Variants in P4HTM observed in about 807,000 individuals in gnomAD.
The protein encoded by P4HTM is prolyl 4-hydroxylase, transmembrane.
A neutral mutation model predicts 55.3 loss-of-function variants in P4HTM; 33 were observed. That is an observed-to-expected ratio of 0.60 (90% CI 0.45 to 0.80). The LOEUF is 0.80. Ranked by LOEUF, P4HTM falls within the 30% of genes least tolerant of loss-of-function variation. The pLI is 0.00. For synonymous variants in P4HTM, 272 were observed against 286.4 expected, an observed-to-expected ratio of 0.95 and a Z score of 0.51; for missense variants, 542 against 696.5, an observed-to-expected ratio of 0.78 and a Z score of 2.50.
At chr3:48,993,418 C>T (rs1200503197) in intron 2 of P4HTM, among the ~76,000 whole-genome samples, 1 of 152,132 alleles carries the variant, frequency 6.6e-6, no homozygotes, top group Non-Finnish European at 1.5e-5. Flanking sequence ...TACTACTACA[C>T]TACTAACGAC....
chr3:48,992,660 CT>C, intron 2 of P4HTM, among the ~76,000 whole-genome samples: 1 of 106,964 alleles, frequency 9.3e-6, no homozygotes, highest in African/African-American at 3.9e-5. Context: ...GGGATTAGAA[CT>C]CTTTTTTTTT....
intron 8 of P4HTM, 145 bp downstream of exon 8, chr3:49,006,332 T>A: frequency 2.3e-6 from 2 of 853,316 alleles, no homozygotes; most frequent in Non-Finnish European, 1.8e-6. Flanking sequence ...CCATCCTTAG[T>A]GACTTTAGCA....
intron 6 of P4HTM, chr3:49,005,468 G>A (rs1576608744): frequency 1.5e-6 from 2 of 1,361,812 alleles, no homozygotes; most frequent in Non-Finnish European, 1.9e-6. Context: ...CATCCCCAAG[G>A]AGCCCTTCAG....
At position 49,002,434 on chromosome 3, in the gene P4HTM, G is replaced by T; in HGVS notation, c.628-66G>T. The T allele has an allele frequency of 8.7e-7, 1 of 1,146,272 alleles. No individual in the cohort carries two copies. 71.0% of individuals were successfully genotyped at this position (1,146,272 alleles called of 1,614,324 possible). A position where few individuals can be genotyped will look rare whatever the true frequency, so the allele number is the denominator to read the frequency against. On this transcript the variant is annotated intron_variant, in intron 3 of 8. Coordinates refer to ENST00000383729, the MANE Select transcript of P4HTM (RefSeq NM_177939.3). This position sits in a 1 kb window ranked among gnomAD's most constrained non-coding sequence, Gnocchi z 4.4. ...CACTTTGCTCCACAACAAGCACTGGGCCATCTGTTCTCTGCTGGCTCTCCA... is the reference window on the plus strand; with the variant it reads ...CACTTTGCTCCACAACAAGCACTGGTCCATCTGTTCTCTGCTGGCTCTCCA...
At chr3:49,005,478 G>C in intron 6 of P4HTM, 1 of 1,353,072 alleles carries the variant, frequency 7.4e-7, no homozygotes, top group Non-Finnish European at 9.4e-7. Flanking sequence ...GAGCCCTTCA[G>C]CGCGCCCTGT....
At chr3:48,992,798 T>G (rs942684621) in intron 2 of P4HTM, among the ~76,000 whole-genome samples, 1 of 150,250 alleles carries the variant, frequency 6.7e-6, no homozygotes. Context: ...CCCAAGTAGC[T>G]GGGATTACAG....
At chr3:49,005,620 G>A (rs1026614896) in intron 6 of P4HTM, 157 bp from the exon 7 acceptor site, 6 of 1,425,242 alleles carry the variant, frequency 4.2e-6, no homozygotes, top group Non-Finnish European at 5.5e-6. Flanking sequence ...GGAAGGAGGG[G>A]CTAGGGACAT....
At chr3:48,993,958 C>CTG (rs2092938343) in intron 2 of P4HTM, among the ~76,000 whole-genome samples, 1 of 150,794 alleles carries the variant, frequency 6.6e-6, no homozygotes, top group South Asian at 2.1e-4. Flanking sequence ...AAAAGGTAAA[C>CTG]TGGTTCTGGT....
intron 2 of P4HTM, among the ~76,000 whole-genome samples, chr3:48,992,942 C>G (rs1448897778): frequency 6.6e-6 from 1 of 151,962 alleles, no homozygotes; most frequent in Non-Finnish European, 1.5e-5. Context: ...GCTGGGATTA[C>G]AGGTGTGAAC....
chr3:49,002,877 T>C lies in P4HTM; in HGVS notation c.724+281T>C. 1 of 488,800 alleles carries C rather than the reference T, an allele frequency of 2.0e-6. No individual in the cohort carries two copies. The highest frequency in any genetic ancestry group is 2.0e-5 in the South Asian group (1 of 50,914). 30.3% of individuals were successfully genotyped at this position (488,800 alleles called of 1,614,324 possible). ...GAGTTGAGAGCCTGGGGACAGGAAG[T>C]AGGGCTGCTAGTTGGCAGAGAACAG... On this transcript the variant is annotated intron_variant, in intron 4 of 8. Transcript: ENST00000383729. This position sits in a 1 kb window ranked among gnomAD's most constrained non-coding sequence, Gnocchi z 4.4.
At chr3:48,996,266 G>GTT (rs2092945286) in intron 2 of P4HTM, 1 of 152,164 alleles carries the variant, frequency 6.6e-6, no homozygotes, top group South Asian at 2.1e-4. Context: ...GTTCAAGGTT[G>GTT]TTGTTTTGTT....
intron 2 of P4HTM, among the ~76,000 whole-genome samples, chr3:48,995,559 A>G (rs1402536838): frequency 6.6e-6 from 1 of 151,612 alleles, no homozygotes; most frequent in Non-Finnish European, 1.5e-5. Context: ...TGTGTGTCCA[A>G]TGGCCAGAGT....
upstream of P4HTM, chr3:48,990,153 T>C (rs1357181589): frequency 6.8e-6 from 7 of 1,032,834 alleles, no homozygotes; most frequent in Admixed American, 1.6e-4. The surrounding 1 kb of genome is among the most constrained non-coding windows in gnomAD (Gnocchi z 7.2). Flanking sequence ...CACCGTCTCC[T>C]AGTGACCGCG....
chr3:48,996,213 C>T (rs150742820), intron 2 of P4HTM: 8 of 152,346 alleles, frequency 5.3e-5, no homozygotes, highest in African/African-American at 1.9e-4. Context: ...ATGACAAACA[C>T]TGGAGGCCCA....
chr3:48,998,532 C>G (rs1374542876), intron 2 of P4HTM, among the ~76,000 whole-genome samples: 1 of 152,238 alleles, frequency 6.6e-6, no homozygotes, highest in East Asian at 1.9e-4. Flanking sequence ...CACATCTCAG[C>G]CCTCAGCTCT....
At chr3:48,996,840 G>T (rs1178089670) in intron 2 of P4HTM, among the ~76,000 whole-genome samples, 3 of 152,192 alleles carry the variant, frequency 2.0e-5, no homozygotes, top group African/African-American at 4.8e-5. Context: ...AAGGCTATGT[G>T]CCTGCCCGGA....
At chr3:49,004,009 T>C in intron 4 of P4HTM, 89 bp from the exon 5 acceptor site, 2 of 1,322,286 alleles carry the variant, frequency 1.5e-6, no homozygotes, top group Non-Finnish European at 2.1e-6. Flanking sequence ...GGGCTGCTGC[T>C]GCCTTTGGGG....
At position 49,002,338 on chromosome 3, in the gene P4HTM, T is replaced by A. The variant is rs565024449; in HGVS notation, c.628-162T>A. Among the ~76,000 whole-genome samples, 1 of 152,368 alleles carries A rather than the reference T, an allele frequency of 6.6e-6. No homozygotes were observed. Among genetic ancestry groups the A allele is most frequent in the African/African-American group, 2.4e-5 (1 of 41,588 alleles). The stretch of plus-strand genomic sequence containing the variant: ...CCCGGCCTTCTCCTCAGATGCTCTG[T>A]ACCTTTCTACCTGCACTCACTTTGG... On this transcript the variant is annotated intron_variant, in intron 3 of 8. Transcript: ENST00000383729. The surrounding 1 kb of genome is among the most constrained non-coding windows in gnomAD (Gnocchi z 4.4).
At chr3:48,992,382 G>T (rs1201762609) in intron 2 of P4HTM, among the ~76,000 whole-genome samples, 2 of 151,988 alleles carry the variant, frequency 1.3e-5, no homozygotes, top group East Asian at 3.9e-4. Context: ...GAGGCAGGCA[G>T]ATCACTTCAG....
Sources: allele counts gnomAD v4.1 joint callset (sites outside exome capture counted in the v4.1 genomes callset), GRCh38; gene constraint gnomAD v4.1.1; non-coding constraint Gnocchi (gnomAD v3.1); transcripts MANE v1.5; gene names NCBI Gene and HGNC (gene_info 2026-07-23, HGNC 2026-07-21).